NBEA: variants seen among roughly 807,000 people sequenced by gnomAD.
NBEA encodes neurobeachin.
A neutral mutation model predicts 343.4 loss-of-function variants in NBEA; 44 were observed. The observed-to-expected ratio is 0.13, with a 90% confidence interval of 0.10 to 0.16. The LOEUF is 0.16. Among genes scored for constraint, NBEA ranks in the 10% least tolerant of loss-of-function variants. The probability of loss-of-function intolerance (pLI) is 1.00; values close to 1 mark genes in which losing one functional copy is unlikely to be tolerated. For missense variants in NBEA, 2,555 were observed against 3,631.3 expected (o/e 0.70, Z 7.62); for synonymous variants, 1,175 against 1,238.7 (o/e 0.95, Z 1.08).
chr13:35,054,770 G>C (rs748728825), intron 6 of NBEA, among the ~76,000 whole-genome samples: 7 of 150,222 alleles, frequency 4.7e-5, no homozygotes, highest in Non-Finnish European at 8.9e-5. Context: ...CAGCCTCCCT[G>C]GTAGCTGGGA....
At chr13:35,363,337 T>C (rs187104813) in intron 38 of NBEA, among the ~76,000 whole-genome samples, 88 of 152,062 alleles carry the variant, frequency 5.8e-4, no homozygotes, top group African/African-American at 1.9e-3. Context: ...TACATTAGTT[T>C]CTATACTAAG....
chr13:35,116,986 A>G (rs1451100467), intron 13 of NBEA, among the ~76,000 whole-genome samples: 1 of 151,944 alleles, frequency 6.6e-6, no homozygotes, highest in African/African-American at 2.4e-5. Flanking sequence ...ACAGAGTGTC[A>G]TTTTTTCTGT....
intron 41 of NBEA, among the ~76,000 whole-genome samples, chr13:35,512,105 G>A (rs1045641734): frequency 9.2e-5 from 14 of 152,132 alleles, no homozygotes; most frequent in Non-Finnish European, 1.5e-4. Flanking sequence ...AAACTCACCC[G>A]TCTTGAACTG....
At chr13:35,595,152 T>C (rs1167099972) in intron 47 of NBEA, among the ~76,000 whole-genome samples, 1 of 152,106 alleles carries the variant, frequency 6.6e-6, no homozygotes, top group African/African-American at 2.4e-5. Context: ...ACCGGGCTTT[T>C]TCCTCTAAAT....
In NBEA at chr13:35,299,150, G is replaced by A. The variant is rs2036362743; in HGVS notation, c.5838+8700G>A. Reference sequence around the variant, plus strand: ...AAGAAACACACCTATGTATTTTAGTGACAGATAATGATAAATAGATATTAA... The same window carrying A: ...AAGAAACACACCTATGTATTTTAGTAACAGATAATGATAAATAGATATTAA... On this transcript the variant is annotated intron_variant, in intron 35 of 58. Coordinates refer to ENST00000379939, the MANE Select transcript of NBEA (RefSeq NM_001385012.1). Among the ~76,000 whole-genome samples, 3 of 151,966 alleles carry A rather than the reference G, an allele frequency of 2.0e-5. No homozygotes were observed. In the South Asian group the frequency reaches 6.2e-4, roughly 32 times the overall value.
At chr13:35,224,053 G>T (rs575836459) in intron 33 of NBEA, among the ~76,000 whole-genome samples, 3 of 152,208 alleles carry the variant, frequency 2.0e-5, no homozygotes, top group African/African-American at 7.2e-5. Flanking sequence ...CCTACATTCG[G>T]CATTAGTAAT....
chr13:35,092,466 A>G (rs964463521), intron 10 of NBEA, among the ~76,000 whole-genome samples: 1 of 152,036 alleles, frequency 6.6e-6, no homozygotes, highest in Admixed American at 6.6e-5. Context: ...CAAATTGCTT[A>G]TTTGACAAAG....
intron 45 of NBEA, among the ~76,000 whole-genome samples, chr13:35,568,651 G>T (rs1264565395): frequency 6.6e-6 from 1 of 152,134 alleles, no homozygotes; most frequent in Non-Finnish European, 1.5e-5. Context: ...TATCTGAAAT[G>T]CTTGGGACCA....
intron 41 of NBEA, among the ~76,000 whole-genome samples, chr13:35,524,755 A>G (rs74042322): frequency 0.019 from 2,834 of 152,330 alleles, 96 homozygotes; most frequent in African/African-American, 0.065. Context: ...TTTATGTATC[A>G]TAGAAAAGTA....
At chr13:35,004,682 T>G (rs1423884936) in intron 1 of NBEA, among the ~76,000 whole-genome samples, 5 of 152,234 alleles carry the variant, frequency 3.3e-5, no homozygotes, top group Admixed American at 6.5e-5. Flanking sequence ...AGCTTATATA[T>G]TTCAGCAAGT....
chr13:35,475,544 G>A, intron 41 of NBEA: 2 of 1,613,196 alleles, frequency 1.2e-6, no homozygotes, highest in Non-Finnish European at 1.7e-6. Context: ...TCCGCCACCC[G>A]GTTGGGTCCC....
intron 11 of NBEA, among the ~76,000 whole-genome samples, chr13:35,107,821 A>G (rs1407914390): frequency 6.6e-6 from 1 of 152,064 alleles, no homozygotes; most frequent in East Asian, 1.9e-4. Context: ...CTGGGGGAGC[A>G]ACATGGTAAA....
chr13:35,036,213 C>T (rs569925893), intron 1 of NBEA, among the ~76,000 whole-genome samples: 2 of 152,026 alleles, frequency 1.3e-5, no homozygotes, highest in South Asian at 4.1e-4. Flanking sequence ...ACTATCTTAT[C>T]ATTCATTATT....
At chr13:35,389,885 T>G in intron 38 of NBEA, among the ~76,000 whole-genome samples, 1 of 151,924 alleles carries the variant, frequency 6.6e-6, no homozygotes. Context: ...TCCCTCACTT[T>G]AGTAGTTTTT....
At chr13:35,004,132 G>A (rs945122794) in intron 1 of NBEA, among the ~76,000 whole-genome samples, 1 of 152,156 alleles carries the variant, frequency 6.6e-6, no homozygotes, top group African/African-American at 2.4e-5. Flanking sequence ...GGTTGCATTA[G>A]TATTCCATGG....
At chr13:35,651,554 C>T (rs2084524036) in intron 52 of NBEA, among the ~76,000 whole-genome samples, 2 of 152,086 alleles carry the variant, frequency 1.3e-5, no homozygotes, top group South Asian at 4.2e-4. Context: ...TTCTATTTAT[C>T]CAGCTTTTTC....
chr13:35,251,332 A>C, intron 34 of NBEA: 1 of 989,512 alleles, frequency 1.0e-6, no homozygotes, highest in Non-Finnish European at 1.2e-6. Flanking sequence ...TGTCACTGCC[A>C]GCTTCCTCAC....
intron 1 of NBEA, among the ~76,000 whole-genome samples, chr13:35,013,070 A>G (rs1441459969): frequency 6.6e-6 from 1 of 152,214 alleles, no homozygotes; most frequent in African/African-American, 2.4e-5. Flanking sequence ...AAATATTTAA[A>G]TGTTATTTTA....
intron 38 of NBEA, among the ~76,000 whole-genome samples, chr13:35,368,559 TTA>T (rs2041255377): frequency 6.6e-6 from 1 of 151,766 alleles, no homozygotes; most frequent in East Asian, 1.9e-4. Flanking sequence ...CAATCAAAAA[TTA>T]TTTGTTTTTA....
Sources: gnomAD v4.1 joint callset for allele counts (sites outside exome capture counted in the v4.1 genomes callset) on GRCh38, gnomAD v4.1.1 for gene constraint, MANE v1.5 for transcripts, NCBI Gene and HGNC (gene_info 2026-07-23, HGNC 2026-07-21) for gene names.